Variants in STAT4 observed in about 807,000 individuals in gnomAD.
STAT4 encodes the protein signal transducer and activator of transcription 4.
Under a neutral mutation model 110.5 loss-of-function variants are expected in STAT4, and 42 were observed. That is an observed-to-expected ratio of 0.38 (90% CI 0.30 to 0.49). STAT4 has a LOEUF of 0.49. Among genes scored for constraint, STAT4 ranks in the 20% least tolerant of loss-of-function variants. The pLI, the probability that STAT4 is intolerant of heterozygous loss-of-function variation, is 0.95. For missense variants in STAT4, 632 were observed against 887.9 expected (o/e 0.71, Z 3.66); for synonymous variants, 284 against 302.2 (o/e 0.94, Z 0.63).
chr2:191,071,419 AAT>A (rs1449813683), intron 5 of STAT4, among the ~76,000 whole-genome samples: 1 of 152,224 alleles, frequency 6.6e-6, no homozygotes, highest in African/African-American at 2.4e-5. Context: ...TACAAAATAA[AAT>A]ATGATAGCTT....
Position 191,147,751 on chromosome 2 carries a change from G to GA in STAT4, c.128+324dup, listed in dbSNP as rs1699494949. On this transcript the variant is annotated intron_variant, in intron 2 of 23. Transcript: ENST00000392320. This position sits in a 1 kb window ranked among gnomAD's most constrained non-coding sequence, Gnocchi z 4.1. ...CTTTGAAGAGTATAAATCTTACTGA[G>GA]AAAAAAATATTGATTTACATTGAGT... Among the ~76,000 whole-genome samples the GA allele has an allele frequency of 2.0e-5, 3 of 152,092 alleles. No individual in the cohort carries two copies. The South Asian group carries it at 6.2e-4, about 32-fold the overall frequency.
chr2:191,126,888 C>T (rs899082435), intron 3 of STAT4, among the ~76,000 whole-genome samples: 12 of 152,148 alleles, frequency 7.9e-5, no homozygotes, highest in African/African-American at 9.7e-5. Context: ...GGCATGATCA[C>T]GGGTCACTGC....
At chr2:191,109,137 G>A (rs1232533415) in intron 3 of STAT4, among the ~76,000 whole-genome samples, 2 of 152,164 alleles carry the variant, frequency 1.3e-5, no homozygotes, top group Non-Finnish European at 2.9e-5. Context: ...GATTTCCTGT[G>A]GGTCGCAGGG....
chr2:191,034,124 C>T (rs1163294305), intron 18 of STAT4, 119 bp from the exon 19 acceptor site: 4 of 772,518 alleles, frequency 5.2e-6, no homozygotes, highest in African/African-American at 1.8e-5. Flanking sequence ...ACCTTAATTT[C>T]TTTAAAAAAT....
Position 191,113,421 on chromosome 2 carries a change from C to T in STAT4, c.273+33192G>A, listed in dbSNP as rs1433819580. On this transcript the variant is annotated intron_variant, in intron 3 of 23. Transcript: ENST00000392320. This position sits in a 1 kb window ranked among gnomAD's most constrained non-coding sequence, Gnocchi z 4.8. ...AGAGCTTGGGACACAGGAGAAAGCA[C>T]TTTTTCAAATTTATTGGATTGAAGA... Among the ~76,000 whole-genome samples, 1 of 152,152 alleles carries T rather than the reference C, an allele frequency of 6.6e-6. No individual in the cohort carries two copies. Among genetic ancestry groups the T allele is most frequent in the Non-Finnish European group, 1.5e-5 (1 of 68,034 alleles).
intron 3 of STAT4, among the ~76,000 whole-genome samples, chr2:191,089,733 G>T (rs34932513): frequency 0.011 from 1,693 of 152,292 alleles, 15 homozygotes; most frequent in Non-Finnish European, 0.019. Flanking sequence ...AATAAGAAAT[G>T]AGCTATCAAG....
In STAT4 at chr2:191,142,460, T is replaced by C. The variant is rs111993730; in HGVS notation, c.273+4153A>G. On this transcript the variant is annotated intron_variant, in intron 3 of 23. Transcript: ENST00000392320. The surrounding 1 kb of genome is among the most constrained non-coding windows in gnomAD (Gnocchi z 4.1). Reference sequence around the variant, plus strand: ...TATAGATACCAGAGGCTGGGAAGGGTGGGTGGATGGAGGGAAATGAAAAGA... The same window carrying C: ...TATAGATACCAGAGGCTGGGAAGGGCGGGTGGATGGAGGGAAATGAAAAGA... Among the ~76,000 whole-genome samples the C allele has an allele frequency of 2.3e-3, 348 of 151,432 alleles. No homozygotes were observed. Among genetic ancestry groups the C allele is most frequent in the African/African-American group, 7.8e-3 (320 of 41,264 alleles).
Position 191,135,756 on chromosome 2 carries a change from C to T in STAT4, c.273+10857G>A, listed in dbSNP as rs1284644193. On this transcript the variant is annotated intron_variant, in intron 3 of 23. Coordinates refer to ENST00000392320, the MANE Select transcript of STAT4 (RefSeq NM_003151.4). The surrounding 1 kb of genome is among the most constrained non-coding windows in gnomAD (Gnocchi z 4.8). ...TGCTGGGATTACAGGCATGTGCCAA[C>T]ACACTTGACCTTTACTGCCAAATTC... 1.3e-5 allele frequency among the ~76,000 whole-genome samples: 2 copies of T among 152,130 alleles called. No homozygotes were observed. Among genetic ancestry groups the T allele is most frequent in the African/African-American group, 2.4e-5 (1 of 41,422 alleles).
Position 191,042,348 on chromosome 2 carries a change from TA to T in STAT4, c.1252-1201del, listed in dbSNP as rs1015588685. 6.6e-6 allele frequency among the ~76,000 whole-genome samples: 1 copy of T among 151,974 alleles called. No individual in the cohort carries two copies. Among genetic ancestry groups the T allele is most frequent in the African/African-American group, 2.4e-5 (1 of 41,476 alleles). The stretch of plus-strand genomic sequence containing the variant: ...AAAAATAAATAAATAAATAAAAGAA[TA>T]AAAAAACAGTGAAAAAAGTCTACTG... On this transcript the variant is annotated intron_variant, in intron 14 of 23. Coordinates refer to ENST00000392320, the MANE Select transcript of STAT4 (RefSeq NM_003151.4). The surrounding 1 kb of genome is among the most constrained non-coding windows in gnomAD (Gnocchi z 4.2).
At chr2:191,073,216 C>T in intron 4 of STAT4, 26 bp from the exon 5 acceptor site, 1 of 1,605,202 alleles carries the variant, frequency 6.2e-7, no homozygotes, top group Non-Finnish European at 8.5e-7. Flanking sequence ...CTTGAAATCT[C>T]TCTGGTTTTG....
Position 191,077,732 on chromosome 2 carries a change from T to C in STAT4, c.274-1407A>G, listed in dbSNP as rs1343055105. ...TCTATTTGTTTTATTAAATGATGTA[T>C]GTTAATTACCACTTCTATTTGTAAA... On this transcript the variant is annotated intron_variant, in intron 3 of 23. Transcript: ENST00000392320. The surrounding 1 kb of genome is among the most constrained non-coding windows in gnomAD (Gnocchi z 4.1). 2.6e-5 allele frequency among the ~76,000 whole-genome samples: 4 copies of C among 152,218 alleles called. No homozygotes were observed. Among genetic ancestry groups the C allele is most frequent in the Non-Finnish European group, 5.9e-5 (4 of 68,034 alleles).
In STAT4 at chr2:191,064,958, C is replaced by A; in HGVS notation, c.631G>T (p.Glu211Ter). 6.3e-7 allele frequency: 1 copy of A among 1,594,042 alleles called. No homozygotes were observed. Residue 211 changes from glutamate (E) to a stop codon, truncating the protein, a stop_gained and splice_region_variant, in exon 8 of 24, where the codon GAG becomes TAG. Coordinates refer to ENST00000392320, the MANE Select transcript of STAT4 (RefSeq NM_003151.4). LOFTEE classifies it high-confidence loss of function. ...MLNSLDFKRK[E>*]ALSKMTQIIH... ...ATTTGGGTCATTTTACTGAGAGCCT[C>A]CTAAAAACAAAGGGGACTACTGAAG...
rs1349511908 is a variant in STAT4 at position 191,059,906 on chromosome 2, A to AT, written c.1035-1138dup. Among the ~76,000 whole-genome samples the AT allele has an allele frequency of 6.6e-6, 1 of 152,182 alleles. No homozygotes were observed. Among genetic ancestry groups the AT allele is most frequent in the Non-Finnish European group, 1.5e-5 (1 of 68,030 alleles). ...GTTTTTCCTCTCCACCTTCCTTTTT[A>AT]TACCACTTCAGGAAGGATCTGATTC... On this transcript the variant is annotated intron_variant, in intron 10 of 23. Coordinates refer to ENST00000392320, the MANE Select transcript of STAT4 (RefSeq NM_003151.4). This position sits in a 1 kb window ranked among gnomAD's most constrained non-coding sequence, Gnocchi z 4.7.
At chr2:191,096,124 T>C (rs1014774305) in intron 3 of STAT4, among the ~76,000 whole-genome samples, 1 of 152,144 alleles carries the variant, frequency 6.6e-6, no homozygotes, top group African/African-American at 2.4e-5. Flanking sequence ...AAGGAAATAA[T>C]TAATAGCCTA....
At chr2:191,102,223 G>T (rs563455144) in intron 3 of STAT4, among the ~76,000 whole-genome samples, 4 of 151,952 alleles carry the variant, frequency 2.6e-5, no homozygotes, top group Non-Finnish European at 5.9e-5. Context: ...AGGCATAAAT[G>T]GGCTATGTGA....
chr2:191,087,124 T>C (rs750948409), intron 3 of STAT4, among the ~76,000 whole-genome samples: 1 of 152,184 alleles, frequency 6.6e-6, no homozygotes, highest in Non-Finnish European at 1.5e-5. Context: ...CCTCCTGGAA[T>C]GTGACACAAC....
At chr2:191,075,247 G>A (rs1350687580) in intron 4 of STAT4, among the ~76,000 whole-genome samples, 1 of 152,172 alleles carries the variant, frequency 6.6e-6, no homozygotes. Context: ...ATGTCACTTG[G>A]AAAATTAATT....
chr2:191,095,792 A>C (rs190705067), intron 3 of STAT4, among the ~76,000 whole-genome samples: 166 of 152,272 alleles, frequency 1.1e-3, no homozygotes, highest in African/African-American at 3.8e-3. Context: ...ATAGAGACAC[A>C]CACAAAAAAA....
chr2:191,146,538 G>A lies in STAT4; in HGVS notation c.273+75C>T. On this transcript the variant is annotated intron_variant, in intron 3 of 23. Transcript: ENST00000392320. This position sits in a 1 kb window ranked among gnomAD's most constrained non-coding sequence, Gnocchi z 4.5. ...AAATTTCATTTGAAAATAATATAAG[G>A]GTACATATTTAATTTTTAACTAAAT... The A allele has an allele frequency of 2.4e-6, 3 of 1,239,898 alleles. No homozygotes were observed. The highest frequency in any genetic ancestry group is 2.7e-5 in the South Asian group (1 of 37,280). 76.8% of individuals were successfully genotyped at this position (1,239,898 alleles called of 1,614,324 possible).
Sources: allele counts gnomAD v4.1 joint callset (sites outside exome capture counted in the v4.1 genomes callset), GRCh38; gene constraint gnomAD v4.1.1; non-coding constraint Gnocchi (gnomAD v3.1); transcripts MANE v1.5; gene names NCBI Gene and HGNC (gene_info 2026-07-23, HGNC 2026-07-21).